The following HYOU1 variants were observed in gnomAD, a reference collection of about 807,000 sequenced individuals.
The protein encoded by HYOU1 is hypoxia up-regulated protein 1.
A neutral mutation model predicts 120.5 loss-of-function variants in HYOU1; 40 were observed. That is an observed-to-expected ratio of 0.33 (90% CI 0.26 to 0.43). HYOU1 has a LOEUF of 0.43. HYOU1 is among the 20% of genes least tolerant of loss of function. HYOU1 has a pLI of 1.00. For missense variants in HYOU1, 1,085 were observed against 1,278.3 expected (o/e 0.85, Z 2.31); for synonymous variants, 501 against 479.4 (o/e 1.05, Z -0.59).
At chr11:119,049,455 C>T (rs2133573110) in intron 16 of HYOU1, 101 bp downstream of exon 16, 4 of 1,561,184 alleles carry the variant, frequency 2.6e-6, no homozygotes, top group Admixed American at 3.3e-5. Context: ...ATGGTTAACA[C>T]AACAGGGGCA....
Position 119,049,107 on chromosome 11 carries a change from G to C in HYOU1, c.1903C>G (p.Gln635Glu). 1.2e-6 allele frequency: 2 copies of C among 1,614,066 alleles called. No homozygotes were observed. The highest frequency in any genetic ancestry group is 2.2e-5 in the South Asian group (2 of 91,084). ...CCCTTAGGTTCAGGGGGTGGGGGCT[G>C]AGAGCCATCCTCCACTGGGGCCTCA... ...EAEAPVEDGS[Q>E]PPPPEPKGDA... The change falls in exon 17 of 26, where the codon CAG becomes GAG. Residue 635 changes from glutamine to glutamate, a missense_variant. By Grantham distance (29) the Gln-to-Glu change is conservative (BLOSUM62 2). Around this residue, in one of 4 missense-constraint regions of HYOU1, gnomAD observed 516 missense variants for 517.1 expected, o/e 1.00. Coordinates refer to ENST00000617285, the MANE Select transcript of HYOU1 (RefSeq NM_006389.5).
Position 119,045,414 on chromosome 11 carries a change from C to T in HYOU1, c.*179G>A. On this transcript the variant is annotated 3_prime_UTR_variant, in exon 26 of 26. Coordinates refer to ENST00000617285, the MANE Select transcript of HYOU1 (RefSeq NM_006389.5). Reference sequence around the variant, plus strand: ...GTTTCCATTTTTAACCACAGAGGTACTGCAGAAGGAACCAGTGAGCTGTCC... The same window carrying T: ...GTTTCCATTTTTAACCACAGAGGTATTGCAGAAGGAACCAGTGAGCTGTCC... 1.4e-6 allele frequency: 1 copy of T among 720,522 alleles called. No individual in the cohort carries two copies. 44.6% of individuals were successfully genotyped at this position (720,522 alleles called of 1,614,324 possible).
Position 119,054,205 on chromosome 11 carries a change from C to T in HYOU1, c.710G>A (p.Ser237Asn). The T allele has an allele frequency of 6.2e-7, 1 of 1,613,952 alleles. No individual in the cohort carries two copies. The highest frequency in any genetic ancestry group is 2.2e-5 in the East Asian group (1 of 44,890). ...NIMFYDMGSG[S>N]TVCTIVTYQM... ...GTAGGTCACAATGGTGCATACGGTG[C>T]TGCCTGAGCCCATGTCATAGAACAT... The change falls in exon 8 of 26, where the codon AGC becomes AAC. Residue 237 changes from serine to asparagine, a missense_variant. By Grantham distance (46) the Ser-to-Asn change is conservative. Coordinates refer to ENST00000617285, the MANE Select transcript of HYOU1 (RefSeq NM_006389.5).
rs1325306641 is a variant in HYOU1, at chr11:119,050,719, CCAAAAA to C, written c.1665+310_1665+315del. Among the ~76,000 whole-genome samples the C allele has an allele frequency of 7.8e-4, 41 of 52,872 alleles. 14 individuals are homozygous for C. Among genetic ancestry groups the C allele is most frequent in the African/African-American group, 2.2e-3 (34 of 15,156 alleles). 34.7% of individuals were successfully genotyped at this position (52,872 alleles called of 152,430 possible). ...TTAAGTAACAGAGCCAAGACCCTCT[CCAAAAA>C]AAAAAAAAAAAAAAAAAAAAAAAAA... On this transcript the variant is annotated intron_variant, in intron 14 of 25. Transcript: ENST00000617285.
chr11:119,053,775 A>C (rs1343708667), intron 8 of HYOU1: 1 of 189,320 alleles, frequency 5.3e-6, no homozygotes, highest in Non-Finnish European at 1.1e-5. Context: ...CCATAAAAAA[A>C]AATTTAAAAA....
In HYOU1 at chr11:119,056,165, C is replaced by A; in HGVS notation, c.-5G>T. ...CCTCCTAACTTTGTCTGCCATAGTG[C>A]CCCTGGGGGAGGCGAAGAAAGAAAA... On this transcript the variant is annotated splice_region_variant and 5_prime_UTR_variant, in exon 2 of 26. Coordinates refer to ENST00000617285, the MANE Select transcript of HYOU1 (RefSeq NM_006389.5). The A allele has an allele frequency of 6.2e-7, 1 of 1,611,740 alleles. No individual in the cohort carries two copies. The highest frequency in any genetic ancestry group is 1.1e-5 in the South Asian group (1 of 90,878).
chr11:119,052,339 G>A lies in HYOU1; in HGVS notation c.1078C>T (p.Pro360Ser). 6.2e-7 allele frequency: 1 copy of A among 1,614,192 alleles called. No homozygotes were observed. The highest frequency in any genetic ancestry group is 8.5e-7 in the Non-Finnish European group (1 of 1,180,042). The change falls in exon 10 of 26, where the codon CCT becomes TCT. Residue 360 changes from proline (P) to serine (S), a missense_variant. By Grantham distance (74) the Pro-to-Ser change is moderately conservative. Coordinates refer to ENST00000617285, the MANE Select transcript of HYOU1 (RefSeq NM_006389.5). This position sits in a 1 kb window ranked among gnomAD's most constrained non-coding sequence, Gnocchi z 5.0. ...ELCADLFERV[P>S]GPVQQALQSA... ...TGGAGGGCCTGCTGTACAGGCCCAGGCACCCGCTCAAACAAGTCTGCACAC... is the reference window on the plus strand; with the variant it reads ...TGGAGGGCCTGCTGTACAGGCCCAGACACCCGCTCAAACAAGTCTGCACAC...
Position 119,047,806 on chromosome 11 carries a change from G to A in HYOU1, c.2523C>T (p.Leu841=), listed in dbSNP as rs1469267272. ...TGAAGATCTGGTCCATCTCTGGGAT[G>A]AGCCGGGCCCCCCTGGAAGCCAGAA... ...HSSMFLKGAR[L]IPEMDQIFTE... is the part of the protein sequence containing the mutation. The change falls in exon 22 of 26, where the codon CTC becomes CTT. Residue 841 remains leucine (L), a synonymous_variant. Coordinates refer to ENST00000617285, the MANE Select transcript of HYOU1 (RefSeq NM_006389.5). 2.5e-6 allele frequency: 4 copies of A among 1,613,920 alleles called. No homozygotes were observed. In the South Asian group the frequency reaches 3.3e-5, roughly 13 times the overall value.
intron 24 of HYOU1, 141 bp from the exon 25 acceptor site, chr11:119,045,972 T>C: frequency 2.4e-6 from 2 of 839,312 alleles, no homozygotes; most frequent in Non-Finnish European, 3.8e-6. Context: ...CCTACTCTGT[T>C]TTTTGAGACA....
rs1487665781 is a variant in HYOU1 at position 119,051,243 on chromosome 11, C to T, written c.1527-70G>A. The T allele has an allele frequency of 2.5e-6, 4 of 1,593,162 alleles. No individual in the cohort carries two copies. Among genetic ancestry groups the T allele is most frequent in the Non-Finnish European group, 2.6e-6 (3 of 1,166,834 alleles). On this transcript the variant is annotated intron_variant, in intron 13 of 25. Transcript: ENST00000617285. The surrounding 1 kb of genome is among the most constrained non-coding windows in gnomAD (Gnocchi z 4.2). ...CATCTCGCCCTCTAGACTACATGGC[C>T]TCCTGGCACAAGGTGTCAGGGGCAC...
chr11:119,054,983 C>A lies in HYOU1; in HGVS notation c.496+1G>T. ...CTAAGGGCCCCACCTTGACCACTCA[C>A]CTGCAAAATCTTCAGCTAGAGAACG... On this transcript the variant is annotated splice_donor_variant, in intron 6 of 25. Coordinates refer to ENST00000617285, the MANE Select transcript of HYOU1 (RefSeq NM_006389.5). LOFTEE classifies it high-confidence loss of function. 1 of 1,613,748 alleles carries A rather than the reference C, an allele frequency of 6.2e-7. No individual in the cohort carries two copies. Among genetic ancestry groups the A allele is most frequent in the Non-Finnish European group, 8.5e-7 (1 of 1,179,984 alleles).
chr11:119,051,722 C>G lies in HYOU1; in HGVS notation c.1338+97G>C. The G allele has an allele frequency of 6.3e-7, 1 of 1,596,806 alleles. No homozygotes were observed. The highest frequency in any genetic ancestry group is 8.6e-7 in the Non-Finnish European group (1 of 1,167,252). ...GGGTGGGATGGGGGAGACCTCTTAG[C>G]AGAAAGACAAAGGGATGAGCCAGAG... On this transcript the variant is annotated intron_variant, in intron 12 of 25. Transcript: ENST00000617285. The surrounding 1 kb of genome is among the most constrained non-coding windows in gnomAD (Gnocchi z 4.2).
At position 119,045,493 on chromosome 11, in the gene HYOU1, G is replaced by T; in HGVS notation, c.*100C>A. ...TCACAGGGGTGAGAAAGGAACTCCA[G>T]CCGAGGGCAGGACCAACCCCTCCCC... is the stretch of plus-strand genomic sequence containing the variant. On this transcript the variant is annotated 3_prime_UTR_variant, in exon 26 of 26. Transcript: ENST00000617285. The T allele has an allele frequency of 9.6e-7, 1 of 1,037,014 alleles. No homozygotes were observed. Among genetic ancestry groups the T allele is most frequent in the Non-Finnish European group, 1.5e-6 (1 of 657,958 alleles). The allele number at this position is 1,037,014 out of a possible 1,614,324, so 64.2% of individuals were successfully genotyped here.
rs2133551663 is a variant in HYOU1, at chr11:119,046,624, C to A, written c.2774G>T (p.Arg925Leu). Residue 925 changes from arginine to leucine, a missense_variant, in exon 23 of 26, where the codon CGG becomes CTG. Physicochemically the swap from Arg to Leu is moderately radical, Grantham distance 102. Transcript: ENST00000617285. ...ACTGGCATTGAGGGGTGGCTCTGCCCGGGTCCCATTCTTGTCCTTAGGCCG... is the reference window on the plus strand; with the variant it reads ...ACTGGCATTGAGGGGTGGCTCTGCCAGGGTCCCATTCTTGTCCTTAGGCCG... ...RPRPKDKNGTRAEPPLNASAS... is the reference protein window; with the variant it reads ...RPRPKDKNGTLAEPPLNASAS... 2 of 1,614,064 alleles carry A rather than the reference C, an allele frequency of 1.2e-6. No homozygotes were observed. Among genetic ancestry groups the A allele is most frequent in the African/African-American group, 2.7e-5 (2 of 74,934 alleles).
chr11:119,054,924 A>C, intron 6 of HYOU1, 60 bp downstream of exon 6: 1 of 1,537,476 alleles, frequency 6.5e-7, no homozygotes, highest in Admixed American at 1.8e-5. Context: ...CCCCTGTTGG[A>C]GAATCACTGC....
intron 7 of HYOU1, 52 bp from the exon 8 acceptor site, chr11:119,054,288 G>A: frequency 7.0e-7 from 1 of 1,427,548 alleles, no homozygotes; most frequent in Non-Finnish European, 9.9e-7. Flanking sequence ...ACTCCAGGGG[G>A]CCTGCCTGCC....
At position 119,056,057 on chromosome 11, in the gene HYOU1, C is replaced by T. The variant is rs1417061273; in HGVS notation, c.91+13G>A. On this transcript the variant is annotated intron_variant, in intron 2 of 25. Transcript: ENST00000617285. Reference sequence around the variant, plus strand: ...ATCATTTATCCATTTGCTCCCTCTACTGGGGTACATACCACTCAGTGCCAA... The same window carrying T: ...ATCATTTATCCATTTGCTCCCTCTATTGGGGTACATACCACTCAGTGCCAA... The T allele has an allele frequency of 6.2e-7, 1 of 1,609,550 alleles. No individual in the cohort carries two copies. The highest frequency in any genetic ancestry group is 8.5e-7 in the Non-Finnish European group (1 of 1,175,992).
chr11:119,049,709 C>A, intron 15 of HYOU1, 68 bp downstream of exon 15: 1 of 1,605,798 alleles, frequency 6.2e-7, no homozygotes, highest in Non-Finnish European at 8.5e-7. Context: ...AAGGGCCATG[C>A]CCTGTCCACC....
rs2133590864 is a variant in HYOU1 at position 119,052,179 on chromosome 11, T to C, written c.1123-7A>G. On this transcript the variant is annotated splice_region_variant and splice_polypyrimidine_tract_variant and intron_variant, in intron 10 of 25. Transcript: ENST00000617285. This position sits in a 1 kb window ranked among gnomAD's most constrained non-coding sequence, Gnocchi z 5.0. The stretch of plus-strand genomic sequence containing the variant: ...TCACCTGCTCAATCTCATCCTGCAG[T>C]GGGTAAGAATGACAGGTGCAACAGC... 2 of 1,613,984 alleles carry C rather than the reference T, an allele frequency of 1.2e-6. No homozygotes were observed. The highest frequency in any genetic ancestry group is 2.2e-5 in the East Asian group (1 of 44,888).
Sources: gnomAD v4.1 joint callset for allele counts (sites outside exome capture counted in the v4.1 genomes callset) on GRCh38, gnomAD v4.1.1 for gene constraint, gnomAD v4.1.1 regional missense constraint, Gnocchi (gnomAD v3.1) non-coding constraint, MANE v1.5 for transcripts, NCBI Gene and HGNC (gene_info 2026-07-23, HGNC 2026-07-21) for gene names.